CHST11: variants seen among roughly 807,000 people sequenced by gnomAD.
CHST11 encodes carbohydrate sulfotransferase 11, also known as C4S-1.
Under a neutral mutation model 30.4 loss-of-function variants are expected in CHST11, and 9 were observed. The observed-to-expected ratio is 0.30, with a 90% CI of 0.18 to 0.52. CHST11 has a LOEUF of 0.52. Ranked by LOEUF, CHST11 falls within the 20% of genes least tolerant of loss-of-function variation. The pLI, the probability that CHST11 is intolerant of heterozygous loss-of-function variation, is 0.97. For synonymous variants in CHST11, 152 were observed against 187.8 expected (o/e 0.81, Z 1.56); for missense variants, 348 against 460.6 (o/e 0.76, Z 2.24).
intron 1 of CHST11, among the ~76,000 whole-genome samples, chr12:104,589,288 C>A (rs2038834940): frequency 6.6e-6 from 1 of 151,606 alleles, no homozygotes; most frequent in Non-Finnish European, 1.5e-5. Flanking sequence ...GTAGTCCCAG[C>A]TACTCTGAAG....
chr12:104,537,280 C>T (rs2038245762), intron 1 of CHST11, among the ~76,000 whole-genome samples: 1 of 152,198 alleles, frequency 6.6e-6, no homozygotes, highest in Non-Finnish European at 1.5e-5. Context: ...ACAGCAGAAC[C>T]TAAGATGGTG....
intron 1 of CHST11, among the ~76,000 whole-genome samples, chr12:104,576,780 A>G (rs1361284319): frequency 2.6e-5 from 4 of 152,148 alleles, no homozygotes; most frequent in Non-Finnish European, 5.9e-5. Flanking sequence ...AGATAGGCCT[A>G]TTGAATCCGG....
At chr12:104,526,472 G>A (rs146631295) in intron 1 of CHST11, among the ~76,000 whole-genome samples, 1 of 152,162 alleles carries the variant, frequency 6.6e-6, no homozygotes, top group African/African-American at 2.4e-5. Flanking sequence ...GGCCCTTCTG[G>A]CATGTTGTGC....
intron 1 of CHST11, among the ~76,000 whole-genome samples, chr12:104,566,278 C>T (rs1483301784): frequency 1.3e-5 from 2 of 152,150 alleles, no homozygotes; most frequent in African/African-American, 2.4e-5. Flanking sequence ...TTCCCCTAAG[C>T]CCTATCTCAA....
chr12:104,723,666 G>A (rs1224697106), intron 2 of CHST11, among the ~76,000 whole-genome samples: 1 of 152,156 alleles, frequency 6.6e-6, no homozygotes, highest in Non-Finnish European at 1.5e-5. Context: ...TAGACTCTGG[G>A]GTGAGGGGCT....
At chr12:104,748,119 CT>C (rs879590808) in intron 2 of CHST11, among the ~76,000 whole-genome samples, 3 of 152,178 alleles carry the variant, frequency 2.0e-5, no homozygotes, top group Non-Finnish European at 4.4e-5. Flanking sequence ...CTAATTTATA[CT>C]TTTGAGAGAT....
At chr12:104,631,041 A>G (rs2039265115) in intron 2 of CHST11, among the ~76,000 whole-genome samples, 2 of 152,154 alleles carry the variant, frequency 1.3e-5, no homozygotes, top group South Asian at 2.1e-4. Flanking sequence ...CCGCCTGGGA[A>G]TTTGCCCCAC....
At chr12:104,610,810 T>C (rs577297904) in intron 2 of CHST11, among the ~76,000 whole-genome samples, 1 of 152,286 alleles carries the variant, frequency 6.6e-6, no homozygotes, top group African/African-American at 2.4e-5. Flanking sequence ...TTCCACCCCA[T>C]CTTCACACTA....
intron 2 of CHST11, among the ~76,000 whole-genome samples, chr12:104,731,034 G>A (rs1415965556): frequency 7.2e-5 from 11 of 152,158 alleles, no homozygotes; most frequent in Non-Finnish European, 1.2e-4. Flanking sequence ...TTTGCTGTCC[G>A]TGCTCCACTT....
chr12:104,720,274 CA>C (rs2040163616), intron 2 of CHST11, among the ~76,000 whole-genome samples: 1 of 152,226 alleles, frequency 6.6e-6, no homozygotes, highest in Admixed American at 6.5e-5. Flanking sequence ...CAATCTTATG[CA>C]GTGGGTACCA....
intron 1 of CHST11, among the ~76,000 whole-genome samples, chr12:104,512,174 T>C (rs1408977751): frequency 6.6e-6 from 1 of 152,230 alleles, no homozygotes; most frequent in African/African-American, 2.4e-5. Flanking sequence ...TATTAAGATA[T>C]ACAAAATCAC....
intron 1 of CHST11, among the ~76,000 whole-genome samples, chr12:104,482,009 A>T: frequency 6.6e-6 from 1 of 150,706 alleles, no homozygotes; most frequent in East Asian, 1.9e-4. Flanking sequence ...GGCTAATTTT[A>T]TTGTATATAT....
At chr12:104,687,528 GA>G (rs2039857190) in intron 2 of CHST11, among the ~76,000 whole-genome samples, 1 of 152,226 alleles carries the variant, frequency 6.6e-6, no homozygotes, top group Non-Finnish European at 1.5e-5. Flanking sequence ...AAGAGCTTAA[GA>G]ATTTGCCCAT....
chr12:104,626,927 A>G (rs2039221593), intron 2 of CHST11, among the ~76,000 whole-genome samples: 1 of 152,038 alleles, frequency 6.6e-6, no homozygotes, highest in Non-Finnish European at 1.5e-5. Context: ...ACAGGTTTGG[A>G]CATGTAGCCA....
chr12:104,643,922 C>A lies in CHST11; in HGVS notation c.204+41931C>A, dbSNP rs146675741. Among the ~76,000 whole-genome samples the A allele has an allele frequency of 1.6e-3, 237 of 152,268 alleles. 2 individuals are homozygous for A. Among genetic ancestry groups the A allele is most frequent in the African/African-American group, 5.2e-3 (215 of 41,526 alleles). On this transcript the variant is annotated intron_variant, in intron 2 of 2. Coordinates refer to ENST00000303694, the MANE Select transcript of CHST11 (RefSeq NM_018413.6). ...CTTGTCAAACCTGATTCCTCTGGTA[C>A]CAAGAGGAAGCAATTTGAATTTTCT...
At chr12:104,515,903 A>G (rs999735080) in intron 1 of CHST11, among the ~76,000 whole-genome samples, 5 of 152,230 alleles carry the variant, frequency 3.3e-5, no homozygotes, top group Non-Finnish European at 7.3e-5. Flanking sequence ...AAGGAGAGCA[A>G]TGTGCATAGA....
At chr12:104,720,610 G>A (rs1351605154) in intron 2 of CHST11, among the ~76,000 whole-genome samples, 1 of 152,182 alleles carries the variant, frequency 6.6e-6, no homozygotes, top group African/African-American at 2.4e-5. Context: ...TTCAAACAGT[G>A]TGACGTGCTG....
intron 2 of CHST11, among the ~76,000 whole-genome samples, chr12:104,671,615 A>G (rs1167796721): frequency 6.6e-6 from 1 of 152,186 alleles, no homozygotes; most frequent in Non-Finnish European, 1.5e-5. Flanking sequence ...GAACGCCTAC[A>G]GTGTGAGCAA....
At chr12:104,492,271 T>C (rs909054893) in intron 1 of CHST11, among the ~76,000 whole-genome samples, 1 of 152,204 alleles carries the variant, frequency 6.6e-6, no homozygotes, top group Non-Finnish European at 1.5e-5. Context: ...TAATTTTTTG[T>C]ATTTTTAGTA....
Sources: gnomAD v4.1 joint callset for allele counts (sites outside exome capture counted in the v4.1 genomes callset) on GRCh38, gnomAD v4.1.1 for gene constraint, MANE v1.5 for transcripts, NCBI Gene and HGNC (gene_info 2026-07-23, HGNC 2026-07-21) for gene names.